Variants in DSCAM observed in about 807,000 individuals in gnomAD.
DSCAM encodes DS cell adhesion molecule, also known as cell adhesion molecule DSCAM.
DSCAM carries 47 observed loss-of-function variants against 217.7 expected under a neutral mutation model. The observed-to-expected ratio is 0.22, with a 90% confidence interval of 0.17 to 0.28. The LOEUF (loss-of-function observed/expected upper bound fraction) is 0.28, where lower values mean the gene tolerates loss of function less well. DSCAM is among the 10% of genes least tolerant of loss of function. The probability of loss-of-function intolerance (pLI) is 1.00; values close to 1 mark genes in which losing one functional copy is unlikely to be tolerated. For missense variants in DSCAM, 2,080 were observed against 2,618.3 expected (o/e 0.79, Z 4.49); for synonymous variants, 1,056 against 1,015.3 (o/e 1.04, Z -0.76).
intron 3 of DSCAM, among the ~76,000 whole-genome samples, chr21:40,598,303 TA>T (rs2077036586): frequency 6.6e-6 from 1 of 152,186 alleles, no homozygotes; most frequent in South Asian, 2.1e-4. Context: ...CATCACTGAG[TA>T]AAAGTCCACA....
rs367753023 is a variant in DSCAM at position 40,559,372 on chromosome 21, A to G, written c.508+133438T>C. ...ACTGGGGAGGCTGAGGCAGAAGAAT[A>G]GCGTAAACCCGGGGGGTGGAGCTTG... On this transcript the variant is annotated intron_variant, in intron 3 of 32. Transcript: ENST00000400454. Among the ~76,000 whole-genome samples, 385 of 151,758 alleles carry G rather than the reference A, an allele frequency of 2.5e-3. 1 individual carries two copies. The highest frequency in any genetic ancestry group is 4.2e-3 in the Non-Finnish European group (287 of 67,906).
At chr21:40,548,449 C>T (rs1275559600) in intron 3 of DSCAM, among the ~76,000 whole-genome samples, 2 of 151,514 alleles carry the variant, frequency 1.3e-5, no homozygotes, top group Admixed American at 1.3e-4. Flanking sequence ...GGTAATGACC[C>T]GTGAGCAATT....
At chr21:40,029,197 T>G (rs2088468168) in intron 32 of DSCAM, among the ~76,000 whole-genome samples, 1 of 146,594 alleles carries the variant, frequency 6.8e-6, no homozygotes, top group African/African-American at 2.5e-5. Context: ...CAAACCTTCT[T>G]GGATTACTGC....
intron 16 of DSCAM, among the ~76,000 whole-genome samples, chr21:40,166,870 T>TA (rs1436667344): frequency 6.6e-6 from 1 of 151,970 alleles, no homozygotes; most frequent in Admixed American, 6.6e-5. Flanking sequence ...CTTTGCCATT[T>TA]AAAAAAAGCA....
At chr21:40,731,741 C>G (rs1250654164) in intron 1 of DSCAM, among the ~76,000 whole-genome samples, 17 of 128,720 alleles carry the variant, frequency 1.3e-4, no homozygotes, top group Admixed American at 8.4e-4. Context: ...CCCCCCCCCG[C>G]CCCCCGGGTG....
chr21:40,463,233 T>A (rs763142358), intron 3 of DSCAM, among the ~76,000 whole-genome samples: 2 of 151,920 alleles, frequency 1.3e-5, no homozygotes, highest in Non-Finnish European at 2.9e-5. Context: ...CAAGGAGTTA[T>A]CTGGGAATTT....
intron 1 of DSCAM, among the ~76,000 whole-genome samples, chr21:40,714,337 T>A (rs2090816841): frequency 6.6e-6 from 1 of 152,058 alleles, no homozygotes; most frequent in Non-Finnish European, 1.5e-5. Context: ...GCTGCAGACA[T>A]AAGACTCCAA....
intron 27 of DSCAM, among the ~76,000 whole-genome samples, chr21:40,065,935 G>A (rs1211162429): frequency 1.3e-5 from 2 of 152,160 alleles, no homozygotes; most frequent in Admixed American, 6.5e-5. Flanking sequence ...ATCCGGCTCC[G>A]CTGCCGCTCA....
chr21:40,813,504 G>C (rs896689151), intron 1 of DSCAM, among the ~76,000 whole-genome samples: 1 of 151,998 alleles, frequency 6.6e-6, no homozygotes, highest in Non-Finnish European at 1.5e-5. Context: ...GTTTTGGCAA[G>C]TTGTGTCACT....
At chr21:40,212,679 C>T (rs1237346599) in intron 11 of DSCAM, among the ~76,000 whole-genome samples, 1 of 152,092 alleles carries the variant, frequency 6.6e-6, no homozygotes, top group Non-Finnish European at 1.5e-5. Context: ...ATTTTCATCC[C>T]TTTAGTGGGT....
intron 3 of DSCAM, among the ~76,000 whole-genome samples, chr21:40,584,480 A>AGGAAGAATCGCAGAAT (rs1302569568): frequency 6.6e-6 from 1 of 152,212 alleles, no homozygotes; most frequent in East Asian, 1.9e-4. Flanking sequence ...CATAGAAATC[A>AGGAAGAATCGCAGAAT]GGAAGAATCG....
intron 1 of DSCAM, among the ~76,000 whole-genome samples, chr21:40,844,999 G>A (rs2092133105): frequency 6.6e-6 from 1 of 152,186 alleles, no homozygotes; most frequent in Admixed American, 6.5e-5. Context: ...TGGAACACAT[G>A]TGTAGGCATC....
intron 32 of DSCAM, among the ~76,000 whole-genome samples, chr21:40,037,235 T>G (rs2088642647): frequency 6.7e-6 from 1 of 149,282 alleles, no homozygotes; most frequent in East Asian, 1.9e-4. Flanking sequence ...TGTCCCTGTT[T>G]GCAGATGACA....
At chr21:40,668,463 A>G (rs1270525807) in intron 3 of DSCAM, among the ~76,000 whole-genome samples, 1 of 152,202 alleles carries the variant, frequency 6.6e-6, no homozygotes, top group Non-Finnish European at 1.5e-5. Flanking sequence ...GGGCATTGGT[A>G]TTTGTAAAAA....
chr21:40,160,017 G>A (rs766985726), intron 16 of DSCAM, among the ~76,000 whole-genome samples: 4 of 152,198 alleles, frequency 2.6e-5, no homozygotes, highest in Admixed American at 6.5e-5. Context: ...TGGGGTGGGC[G>A]GAATCAGCAT....
chr21:40,321,525 A>G (rs2074259153), intron 8 of DSCAM, among the ~76,000 whole-genome samples: 1 of 151,804 alleles, frequency 6.6e-6, no homozygotes, highest in Non-Finnish European at 1.5e-5. Context: ...TCCAATTCTC[A>G]ACATGTCTTT....
chr21:40,544,934 G>C (rs1420270282), intron 3 of DSCAM, among the ~76,000 whole-genome samples: 1 of 150,004 alleles, frequency 6.7e-6, no homozygotes, highest in East Asian at 1.9e-4. Context: ...AAAAAAGGTA[G>C]AATAGGCGCC....
chr21:40,187,764 T>C (rs1158625491), intron 13 of DSCAM, 127 bp downstream of exon 13: 2 of 867,046 alleles, frequency 2.3e-6, no homozygotes, highest in Non-Finnish European at 3.8e-6. Context: ...ATTATACATA[T>C]TCAAAATTTC....
At chr21:40,760,876 C>A (rs2210270) in intron 1 of DSCAM, among the ~76,000 whole-genome samples, 44,925 of 152,128 alleles carry the variant, frequency 0.3, 7,669 homozygotes, top group East Asian at 0.4. Context: ...GACAGGGTCC[C>A]CAAGACACCT....
Sources: gnomAD v4.1 joint callset for allele counts (sites outside exome capture counted in the v4.1 genomes callset) on GRCh38, gnomAD v4.1.1 for gene constraint, MANE v1.5 for transcripts, NCBI Gene and HGNC (gene_info 2026-07-23, HGNC 2026-07-21) for gene names.